CSMD3: variants seen among roughly 807,000 people sequenced by gnomAD.
CSMD3 encodes CUB and Sushi multiple domains 3.
In CSMD3, 177 loss-of-function variants were observed where a neutral mutation model predicts 435.2. The observed-to-expected ratio is 0.41, with a 90% CI of 0.36 to 0.46. The LOEUF (loss-of-function observed/expected upper bound fraction) is 0.46, where lower values mean the gene tolerates loss of function less well. Among genes scored for constraint, CSMD3 ranks in the 20% least tolerant of loss-of-function variants. The pLI is 0.34. For missense variants in CSMD3, 4,265 were observed against 4,504.6 expected, an observed-to-expected ratio of 0.95 and a Z score of 1.52; for synonymous variants, 1,656 against 1,520.5, an observed-to-expected ratio of 1.09 and a Z score of -2.07.
intron 9 of CSMD3, among the ~76,000 whole-genome samples, chr8:112,928,085 CCTT>C (rs1173334411): frequency 6.6e-6 from 1 of 152,120 alleles, no homozygotes; most frequent in South Asian, 2.1e-4. Context: ...AGGAGTACAT[CCTT>C]CTTCTTGTAG....
chr8:113,333,890 C>T (rs188763449), intron 1 of CSMD3, among the ~76,000 whole-genome samples: 1 of 151,966 alleles, frequency 6.6e-6, no homozygotes, highest in African/African-American at 2.4e-5. Flanking sequence ...AAGAGACTTT[C>T]AGTCCATGAG....
At chr8:112,855,190 G>C (rs2129787063) in intron 11 of CSMD3, among the ~76,000 whole-genome samples, 1 of 152,100 alleles carries the variant, frequency 6.6e-6, no homozygotes, top group South Asian at 2.1e-4. Context: ...TAAAGATGCA[G>C]CTCACATTCC....
intron 10 of CSMD3, among the ~76,000 whole-genome samples, chr8:112,861,769 C>A (rs553025304): frequency 1.6e-4 from 24 of 151,944 alleles, no homozygotes; most frequent in Admixed American, 2.6e-4. Context: ...TTATAGCAAT[C>A]ACAAAGCAAT....
chr8:112,244,303 C>G, intron 65 of CSMD3, 91 bp downstream of exon 65: 11 of 1,083,524 alleles, frequency 1.0e-5, no homozygotes, highest in Non-Finnish European at 1.6e-5. Context: ...TCCCTTGTTC[C>G]TATGCTAATT....
chr8:113,290,774 A>T (rs1433801533), intron 2 of CSMD3, among the ~76,000 whole-genome samples: 2 of 151,618 alleles, frequency 1.3e-5, no homozygotes, highest in Non-Finnish European at 3.0e-5. Flanking sequence ...TTTTCAAATG[A>T]TCATTATTTT....
chr8:113,266,473 T>C (rs913039167), intron 3 of CSMD3, among the ~76,000 whole-genome samples: 3 of 151,490 alleles, frequency 2.0e-5, no homozygotes, highest in Admixed American at 1.3e-4. Flanking sequence ...CTAACAGTTC[T>C]AAATTAAATT....
chr8:113,079,604 C>G (rs1480452534), intron 5 of CSMD3, among the ~76,000 whole-genome samples: 2 of 151,946 alleles, frequency 1.3e-5, no homozygotes, highest in Non-Finnish European at 2.9e-5. Context: ...GGACTGAAAC[C>G]TCAGTCTTCT....
At chr8:113,010,957 TC>T (rs1203413996) in intron 6 of CSMD3, among the ~76,000 whole-genome samples, 1 of 151,652 alleles carries the variant, frequency 6.6e-6, no homozygotes, top group Non-Finnish European at 1.5e-5. Flanking sequence ...ACTCTTTTTT[TC>T]TTTATACTTT....
At chr8:113,217,230 C>T (rs1172686334) in intron 3 of CSMD3, among the ~76,000 whole-genome samples, 2 of 150,704 alleles carry the variant, frequency 1.3e-5, no homozygotes, top group African/African-American at 4.9e-5. Flanking sequence ...ACTCAAAAAT[C>T]TTTTTTTTTA....
intron 22 of CSMD3, among the ~76,000 whole-genome samples, chr8:112,593,608 G>T (rs1831391116): frequency 6.6e-6 from 1 of 152,172 alleles, no homozygotes; most frequent in African/African-American, 2.4e-5. Flanking sequence ...TTTATCCAGA[G>T]AATACACACA....
intron 3 of CSMD3, among the ~76,000 whole-genome samples, chr8:113,176,247 A>C (rs1396981713): frequency 6.6e-6 from 1 of 152,138 alleles, no homozygotes; most frequent in East Asian, 1.9e-4. Context: ...CTTCATATAG[A>C]GAAATATCTA....
At chr8:112,282,662 C>T (rs16883359) in intron 58 of CSMD3, among the ~76,000 whole-genome samples, 29,849 of 151,950 alleles carry the variant, frequency 0.2, 3,588 homozygotes, top group East Asian at 0.36. Flanking sequence ...AATTCCTCCA[C>T]ACCTAATACA....
chr8:112,499,874 T>C (rs1330526564), intron 30 of CSMD3, among the ~76,000 whole-genome samples: 1 of 151,894 alleles, frequency 6.6e-6, no homozygotes, highest in Non-Finnish European at 1.5e-5. Flanking sequence ...ATCCCAGCTC[T>C]TGAGGAGGGC....
rs1166463752 is a variant in CSMD3, at chr8:112,525,826, A to AAT, written c.4565-8603_4565-8602dup. Among the ~76,000 whole-genome samples the AAT allele has an allele frequency of 1.7e-3, 228 of 135,322 alleles. 2 individuals are homozygous for AAT. The East Asian group carries it at 0.022, about 13-fold the overall frequency. 88.8% of individuals were successfully genotyped at this position (135,322 alleles called of 152,430 possible). On this transcript the variant is annotated intron_variant, in intron 27 of 70. Coordinates refer to ENST00000297405, the MANE Select transcript of CSMD3 (RefSeq NM_198123.2). ...TATATATATACACACACATATAAAA[A>AAT]ATATATATATATATATACAGGGTCT...
chr8:112,239,948 A>G (rs1813966057), intron 66 of CSMD3, among the ~76,000 whole-genome samples: 1 of 152,132 alleles, frequency 6.6e-6, no homozygotes, highest in South Asian at 2.1e-4. Context: ...TAGGGACACA[A>G]CTAATTAATT....
At chr8:112,997,817 A>C (rs1476714374) in intron 6 of CSMD3, among the ~76,000 whole-genome samples, 3 of 150,352 alleles carry the variant, frequency 2.0e-5, no homozygotes, top group East Asian at 3.9e-4. Context: ...TAGTCCCCCC[A>C]AAATTTTAAT....
intron 3 of CSMD3, among the ~76,000 whole-genome samples, chr8:113,213,728 C>G (rs1011086514): frequency 6.6e-6 from 1 of 152,088 alleles, no homozygotes; most frequent in Admixed American, 6.6e-5. Flanking sequence ...TCAAAAAACA[C>G]ATTCAAAAGG....
intron 3 of CSMD3, among the ~76,000 whole-genome samples, chr8:113,238,117 A>G (rs1204201487): frequency 6.6e-6 from 1 of 150,798 alleles, no homozygotes; most frequent in Non-Finnish European, 1.5e-5. Flanking sequence ...GGCTAGAGTG[A>G]TGAGAATGGC....
chr8:113,256,540 TA>T (rs888173845), intron 3 of CSMD3, among the ~76,000 whole-genome samples: 1 of 152,206 alleles, frequency 6.6e-6, no homozygotes, highest in African/African-American at 2.4e-5. Context: ...CAATTGGAAA[TA>T]TTGCATAACT....
Sources: gnomAD v4.1 joint callset for allele counts (sites outside exome capture counted in the v4.1 genomes callset) on GRCh38, gnomAD v4.1.1 for gene constraint, MANE v1.5 for transcripts, NCBI Gene and HGNC (gene_info 2026-07-23, HGNC 2026-07-21) for gene names.